Variants in CD46 observed in about 807,000 individuals in gnomAD.
The protein encoded by CD46 is membrane cofactor protein.
Under a neutral mutation model 53.3 loss-of-function variants are expected in CD46, and 30 were observed. That is an observed-to-expected ratio of 0.56 (90% CI 0.42 to 0.76). The LOEUF (loss-of-function observed/expected upper bound fraction) is 0.76. CD46 is among the 30% of genes least tolerant of loss of function. The probability of loss-of-function intolerance (pLI) is 0.00; values close to 1 mark genes in which losing one functional copy is unlikely to be tolerated. For missense variants in CD46, 409 were observed against 463.0 expected (o/e 0.88, Z 1.07); for synonymous variants, 142 against 152.0 (o/e 0.93, Z 0.48).
intron 11 of CD46, among the ~76,000 whole-genome samples, chr1:207,788,654 C>T (rs1659508949): frequency 6.6e-6 from 1 of 152,214 alleles, no homozygotes; most frequent in South Asian, 2.1e-4. Context: ...TGTCTGGAGG[C>T]ACTTCTCCAC....
At chr1:207,757,714 A>G in intron 3 of CD46, 72 bp downstream of exon 3, 1 of 979,444 alleles carries the variant, frequency 1.0e-6, no homozygotes, top group Non-Finnish European at 1.6e-6. Context: ...CTTCTTAAGC[A>G]TTCCTGTAAA....
At chr1:207,792,209 G>A (rs1297062617) in intron 12 of CD46, among the ~76,000 whole-genome samples, 1 of 152,126 alleles carries the variant, frequency 6.6e-6, no homozygotes, top group Non-Finnish European at 1.5e-5. Flanking sequence ...CTGGGAGGAG[G>A]AGGTTGCAAG....
At chr1:207,781,245 G>A (rs2102669218) in intron 8 of CD46, among the ~76,000 whole-genome samples, 1 of 151,252 alleles carries the variant, frequency 6.6e-6, no homozygotes, top group South Asian at 2.1e-4. Flanking sequence ...CTTCTTTAGA[G>A]AAACATCTTT....
intron 8 of CD46, among the ~76,000 whole-genome samples, chr1:207,771,804 G>C (rs958909183): frequency 1.1e-4 from 16 of 152,166 alleles, no homozygotes; most frequent in African/African-American, 3.6e-4. Flanking sequence ...CTGTAGCCTT[G>C]TAGTATAGTT....
chr1:207,779,500 C>T (rs1460786460), intron 8 of CD46, among the ~76,000 whole-genome samples: 5 of 152,188 alleles, frequency 3.3e-5, no homozygotes, highest in African/African-American at 9.6e-5. Context: ...TAACTATTCT[C>T]CTATCAGAGG....
In CD46 at chr1:207,754,085, T is replaced by G. The variant is rs191502975; in HGVS notation, c.97+1776T>G. 2.6e-5 allele frequency among the ~76,000 whole-genome samples: 4 copies of G among 152,350 alleles called. No homozygotes were observed. The East Asian group carries it at 7.7e-4, about 29-fold the overall frequency. On this transcript the variant is annotated intron_variant, in intron 1 of 12. Coordinates refer to ENST00000367042, the MANE Select transcript of CD46 (RefSeq NM_172351.3). Reference sequence around the variant, plus strand: ...CAATAAATTATTTGCTAAAATGTATTGGGATTGGCAGACATTAAAATCCAA... The same window carrying G: ...CAATAAATTATTTGCTAAAATGTATGGGGATTGGCAGACATTAAAATCCAA...
chr1:207,770,376 T>G lies in CD46; in HGVS notation c.943+14T>G. The G allele has an allele frequency of 2.6e-6, 4 of 1,531,472 alleles. No individual in the cohort carries two copies. The highest frequency in any genetic ancestry group is 1.7e-5 in the Admixed American group (1 of 59,924). 94.9% of individuals were successfully genotyped at this position (1,531,472 alleles called of 1,614,324 possible). ...CAAATTATCCAGGTTGGTTAACTCT[T>G]TATCCTACTGATATTGTTAAGAATT... On this transcript the variant is annotated intron_variant, in intron 8 of 12. Transcript: ENST00000367042.
At chr1:207,784,906 A>G (rs939946216) in intron 9 of CD46, among the ~76,000 whole-genome samples, 165 bp from the exon 10 acceptor site, 1 of 152,200 alleles carries the variant, frequency 6.6e-6, no homozygotes, top group Non-Finnish European at 1.5e-5. Flanking sequence ...ATTACCTCTC[A>G]TGGGGTCCCT....
chr1:207,764,391 C>T (rs965968786), intron 5 of CD46, among the ~76,000 whole-genome samples: 1 of 152,196 alleles, frequency 6.6e-6, no homozygotes, highest in Non-Finnish European at 1.5e-5. Context: ...GCCGCTCGAT[C>T]TTGAGAGTCC....
Position 207,765,697 on chromosome 1 carries a change from G to A in CD46, c.674-1316G>A, listed in dbSNP as rs545207946. Among the ~76,000 whole-genome samples the A allele has an allele frequency of 2.6e-5, 4 of 152,290 alleles. 1 individual carries two copies. Among genetic ancestry groups the A allele is most frequent in the African/African-American group, 9.6e-5 (4 of 41,568 alleles). On this transcript the variant is annotated intron_variant, in intron 5 of 12. Coordinates refer to ENST00000367042, the MANE Select transcript of CD46 (RefSeq NM_172351.3). ...TACCAGGTATTGACAAGGATATGGAGCAGATGAAACTCTCATATACTGATG... is the reference window on the plus strand; with the variant it reads ...TACCAGGTATTGACAAGGATATGGAACAGATGAAACTCTCATATACTGATG...
chr1:207,779,724 A>G (rs904400884), intron 8 of CD46, among the ~76,000 whole-genome samples: 6 of 152,054 alleles, frequency 3.9e-5, no homozygotes, highest in Non-Finnish European at 8.8e-5. Context: ...AATGAGATAT[A>G]TGGTTCCACC....
At chr1:207,782,684 T>C (rs1216360249) in intron 8 of CD46, among the ~76,000 whole-genome samples, 2 of 140,304 alleles carry the variant, frequency 1.4e-5, no homozygotes, top group African/African-American at 2.7e-5. Flanking sequence ...AGTCTCGCTG[T>C]GTTGCCAGAC....
chr1:207,774,101 CTCT>C (rs1332844620), intron 8 of CD46, among the ~76,000 whole-genome samples: 1 of 152,138 alleles, frequency 6.6e-6, no homozygotes, highest in Non-Finnish European at 1.5e-5. Context: ...GGATAGTTAG[CTCT>C]TCTTGGTGAA....
In CD46 at chr1:207,757,670, G is replaced by A. The variant is rs769846310; in HGVS notation, c.389+28G>A. 17 of 1,343,868 alleles carry A rather than the reference G, an allele frequency of 1.3e-5. No individual in the cohort carries two copies. In the South Asian group the frequency reaches 1.3e-4, roughly 10 times the overall value. 83.2% of individuals were successfully genotyped at this position (1,343,868 alleles called of 1,614,324 possible). A position where few individuals can be genotyped will look rare whatever the true frequency, so the allele number is the denominator to read the frequency against. On this transcript the variant is annotated intron_variant, in intron 3 of 12. Transcript: ENST00000367042. ...AAGTTGCTCCTTAGAGGAAATAAGGGAAGTGTTAGTAATTTTATTTTTGTT... is the reference window on the plus strand; with the variant it reads ...AAGTTGCTCCTTAGAGGAAATAAGGAAAGTGTTAGTAATTTTATTTTTGTT...
chr1:207,763,285 G>GC lies in CD46; in HGVS notation c.673+1841dup, dbSNP rs1343364592. The GC allele has an allele frequency of 2.6e-5, 4 of 152,460 alleles. No homozygotes were observed. The East Asian group carries it at 7.7e-4, about 29-fold the overall frequency. 9.4% of individuals were successfully genotyped at this position (152,460 alleles called of 1,614,324 possible). On this transcript the variant is annotated intron_variant, in intron 5 of 12. Transcript: ENST00000367042. Reference sequence around the variant, plus strand: ...CTGAGCCAGGCGTCCCGGAGTGCTGGCCAGGCGTGGAGTACGGGATCCAGC... The same window carrying GC: ...CTGAGCCAGGCGTCCCGGAGTGCTGGCCCAGGCGTGGAGTACGGGATCCAGC...
At chr1:207,753,272 A>G (rs41316813) in intron 1 of CD46, among the ~76,000 whole-genome samples, 11 of 152,366 alleles carry the variant, frequency 7.2e-5, no homozygotes, top group Non-Finnish European at 1.3e-4. Context: ...AAAGGAAGGC[A>G]GATAATGTTA....
intron 5 of CD46, among the ~76,000 whole-genome samples, chr1:207,765,626 C>T (rs967177408): frequency 6.6e-6 from 1 of 152,064 alleles, no homozygotes; most frequent in African/African-American, 2.4e-5. Context: ...CACTAAATAC[C>T]TATTGGAAAG....
At chr1:207,785,949 T>C (rs999186091) in intron 11 of CD46, 2 of 381,934 alleles carry the variant, frequency 5.2e-6, no homozygotes, top group Non-Finnish European at 9.8e-6. Flanking sequence ...GAGGTTTAAG[T>C]TATTTAGCAA....
In CD46 at chr1:207,759,640, T is replaced by C. The variant is rs1469269900; in HGVS notation, c.391T>C (p.Tyr131His). 2 of 1,509,754 alleles carry C rather than the reference T, an allele frequency of 1.3e-6. No individual in the cohort carries two copies. The highest frequency in any genetic ancestry group is 2.3e-5 in the South Asian group (2 of 88,478). 93.5% of individuals were successfully genotyped at this position (1,509,754 alleles called of 1,614,324 possible). The change falls in exon 4 of 13, where the codon TAT becomes CAT. Residue 131 changes from tyrosine (Y) to histidine (H), a missense_variant and splice_region_variant. Tyr to His is a moderately conservative substitution (Grantham distance 83). Coordinates refer to ENST00000367042, the MANE Select transcript of CD46 (RefSeq NM_172351.3). ...GTAACCCTTTCTTTTCTCATTTAGT[T>C]ATTACTTAATTGGTGAAGAAATTCT... Reference protein sequence around the residue: ...YQMHFICNEGYYLIGEEILYC... With the variant: ...YQMHFICNEGHYLIGEEILYC...
Sources: allele counts gnomAD v4.1 joint callset (sites outside exome capture counted in the v4.1 genomes callset), GRCh38; gene constraint gnomAD v4.1.1; transcripts MANE v1.5; gene names NCBI Gene and HGNC (gene_info 2026-07-23, HGNC 2026-07-21).